Variants in DIP2C observed in about 807,000 individuals in gnomAD.
DIP2C encodes the protein DIP2 acetate--CoA ligase C (putative), also known as disco-interacting protein 2 homolog C.
Under a neutral mutation model 192.4 loss-of-function variants are expected in DIP2C, and 33 were observed. That is an observed-to-expected ratio of 0.17 (90% confidence interval 0.13 to 0.23). The LOEUF is 0.23. Among genes scored for constraint, DIP2C ranks in the 10% least tolerant of loss-of-function variants. The pLI is 1.00. For synonymous variants in DIP2C, 979 were observed against 864.1 expected, an observed-to-expected ratio of 1.13 and a Z score of -2.33; for missense variants, 1,537 against 2,110.1, an observed-to-expected ratio of 0.73 and a Z score of 5.32.
chr10:674,789 T>TATATATATATATAGAGAGAGAGAGAG, intron 1 of DIP2C, among the ~76,000 whole-genome samples: 6 of 62,482 alleles, frequency 9.6e-5, no homozygotes, highest in African/African-American at 5.4e-4. Flanking sequence ...TATATATATA[T>TATATATATATATAGAGAGAGAGAGAG]AGAGAGAGAG....
intron 2 of DIP2C, among the ~76,000 whole-genome samples, chr10:478,975 C>T (rs1034992617): frequency 1.1e-4 from 17 of 152,266 alleles, no homozygotes; most frequent in African/African-American, 2.9e-4. Context: ...CAGGGGCAAG[C>T]GCTCTGGGCT....
At chr10:625,263 G>A (rs918643788) in intron 1 of DIP2C, among the ~76,000 whole-genome samples, 2 of 152,150 alleles carry the variant, frequency 1.3e-5, no homozygotes, top group Non-Finnish European at 2.9e-5. Flanking sequence ...GCCGCTTCCC[G>A]TCAGGGCAAC....
chr10:597,823 A>G (rs1851805270), intron 1 of DIP2C, among the ~76,000 whole-genome samples: 1 of 152,122 alleles, frequency 6.6e-6, no homozygotes, highest in African/African-American at 2.4e-5. Context: ...CACAGCTTAC[A>G]CCCATGAGGT....
At chr10:432,550 T>C (rs888825607) in intron 4 of DIP2C, among the ~76,000 whole-genome samples, 1 of 152,218 alleles carries the variant, frequency 6.6e-6, no homozygotes, top group Non-Finnish European at 1.5e-5. Flanking sequence ...CTGATATTGG[T>C]AATTTATCTG....
intron 1 of DIP2C, among the ~76,000 whole-genome samples, chr10:647,823 G>C (rs1303151774): frequency 6.3e-4 from 91 of 145,412 alleles, no homozygotes; most frequent in African/African-American, 2.0e-3. Flanking sequence ...GAGAACAGAG[G>C]GAAACTGAGT....
At chr10:390,486 G>A (rs940586994) in intron 11 of DIP2C, 113 bp from the exon 12 acceptor site, 4 of 1,154,012 alleles carry the variant, frequency 3.5e-6, no homozygotes, top group African/African-American at 3.0e-5. Flanking sequence ...CGAATCTCTG[G>A]TGTCTCCGGA....
intron 1 of DIP2C, among the ~76,000 whole-genome samples, chr10:581,426 C>T (rs1206013190): frequency 6.6e-6 from 1 of 152,134 alleles, no homozygotes; most frequent in Non-Finnish European, 1.5e-5. Context: ...ACATGTTAAG[C>T]TGTCAAAGGT....
intron 14 of DIP2C, among the ~76,000 whole-genome samples, chr10:385,995 G>A (rs928308591): frequency 6.6e-6 from 1 of 152,162 alleles, no homozygotes; most frequent in Admixed American, 6.5e-5. Context: ...GGAGAGACTC[G>A]CACCTGCCAG....
In DIP2C at chr10:477,847, AAGG is replaced by A. The variant is rs777920617; in HGVS notation, c.158-5301_158-5299del. ...AGAGAAGGAGAAGGGAGAAAGAAAA[AAGG>A]AGAAGTGAAGGAAGCAGAGAGAAGA... On this transcript the variant is annotated intron_variant, in intron 2 of 36. Coordinates refer to ENST00000280886, the MANE Select transcript of DIP2C (RefSeq NM_014974.3). Among the ~76,000 whole-genome samples the A allele has an allele frequency of 3.4e-4, 48 of 140,000 alleles. No homozygotes were observed. The East Asian group carries it at 6.5e-3, about 19-fold the overall frequency. The allele number at this position is 140,000 out of a possible 152,430, so 91.8% of individuals were successfully genotyped here.
intron 24 of DIP2C, among the ~76,000 whole-genome samples, chr10:350,678 C>T (rs926925457): frequency 6.9e-6 from 1 of 145,248 alleles, no homozygotes; most frequent in South Asian, 2.2e-4. Flanking sequence ...CTCGCTCTGT[C>T]GCCAGGCTGG....
At chr10:328,443 G>A (rs923493879) in intron 30 of DIP2C, among the ~76,000 whole-genome samples, 3 of 152,142 alleles carry the variant, frequency 2.0e-5, no homozygotes, top group Non-Finnish European at 2.9e-5. Flanking sequence ...GCTATTGTAA[G>A]GATGAAATGA....
intron 1 of DIP2C, among the ~76,000 whole-genome samples, chr10:582,323 C>T (rs1033466361): frequency 6.6e-6 from 1 of 152,222 alleles, no homozygotes; most frequent in African/African-American, 2.4e-5. Context: ...TGCCATGCAC[C>T]CAACCCAAAT....
At position 575,646 on chromosome 10, in the gene DIP2C, A is replaced by G. The variant is rs1179160328; in HGVS notation, c.86-89116T>C. Among the ~76,000 whole-genome samples, 8 of 152,320 alleles carry G rather than the reference A, an allele frequency of 5.3e-5. No homozygotes were observed. The South Asian group carries it at 1.7e-3, about 32-fold the overall frequency. On this transcript the variant is annotated intron_variant, in intron 1 of 36. Coordinates refer to ENST00000280886, the MANE Select transcript of DIP2C (RefSeq NM_014974.3). Reference sequence around the variant, plus strand: ...CACAAGCCTTCCAGACATGACATCCAAGAGCAGAAGGGAGCAGAGTCCAAG... The same window carrying G: ...CACAAGCCTTCCAGACATGACATCCGAGAGCAGAAGGGAGCAGAGTCCAAG...
At position 608,142 on chromosome 10, in the gene DIP2C, G is replaced by GC. The variant is rs1388658067; in HGVS notation, c.85+81351dup. 1.6e-4 allele frequency among the ~76,000 whole-genome samples: 5 copies of GC among 31,640 alleles called. 1 individual carries two copies. Among genetic ancestry groups the GC allele is most frequent in the African/African-American group, 6.6e-4 (2 of 3,032 alleles). 20.8% of individuals were successfully genotyped at this position (31,640 alleles called of 152,430 possible). A position where few individuals can be genotyped will look rare whatever the true frequency, so the allele number is the denominator to read the frequency against. On this transcript the variant is annotated intron_variant, in intron 1 of 36. Transcript: ENST00000280886. Reference sequence around the variant, plus strand: ...CACACACAGCCCCAACACACACACAGCCCCCCCACACACACCCCCACAGCC... The same window carrying GC: ...CACACACAGCCCCAACACACACACAGCCCCCCCCACACACACCCCCACAGCC...
intron 22 of DIP2C, among the ~76,000 whole-genome samples, chr10:361,042 C>T (rs1286159151): frequency 2.0e-5 from 3 of 152,126 alleles, no homozygotes; most frequent in Non-Finnish European, 2.9e-5. Flanking sequence ...TGCTAAGCTG[C>T]GTATCAGGCC....
chr10:341,068 G>A, intron 29 of DIP2C, 131 bp downstream of exon 29: 1 of 1,304,066 alleles, frequency 7.7e-7, no homozygotes, highest in Non-Finnish European at 1.1e-6. Context: ...GAGGGACACG[G>A]GTAAGCCCCA....
chr10:519,285 G>GA (rs1349051912), intron 1 of DIP2C, among the ~76,000 whole-genome samples: 1 of 152,228 alleles, frequency 6.6e-6, no homozygotes, highest in African/African-American at 2.4e-5. Flanking sequence ...GCTGTAAGGG[G>GA]ACAGGGGAGC....
At chr10:522,204 C>G (rs113206436) in intron 1 of DIP2C, among the ~76,000 whole-genome samples, 1 of 152,352 alleles carries the variant, frequency 6.6e-6, no homozygotes, top group Non-Finnish European at 1.5e-5. Context: ...CCAGATTGGA[C>G]TCTCACTTAG....
intron 1 of DIP2C, among the ~76,000 whole-genome samples, chr10:520,932 C>T (rs1428654010): frequency 6.6e-6 from 1 of 152,158 alleles, no homozygotes; most frequent in African/African-American, 2.4e-5. Context: ...AGTTTAATTA[C>T]ATTTGACGTT....
Sources: gnomAD v4.1 joint callset for allele counts (sites outside exome capture counted in the v4.1 genomes callset) on GRCh38, gnomAD v4.1.1 for gene constraint, MANE v1.5 for transcripts, NCBI Gene and HGNC (gene_info 2026-07-23, HGNC 2026-07-21) for gene names.